Variants in UBA6 observed in about 807,000 individuals in gnomAD.
UBA6 encodes the protein ubiquitin-like modifier-activating enzyme 6.
A neutral mutation model predicts 148.3 loss-of-function variants in UBA6; 87 were observed. The ratio of observed to expected loss-of-function variants is 0.59; its 90% CI spans 0.49 to 0.70. The LOEUF is 0.70. Ranked by LOEUF, UBA6 falls within the 30% of genes least tolerant of loss-of-function variation. The pLI is 0.00. For missense variants in UBA6, 1,186 were observed against 1,241.2 expected, an observed-to-expected ratio of 0.96 and a Z score of 0.67; for synonymous variants, 376 against 401.0, an observed-to-expected ratio of 0.94 and a Z score of 0.75.
rs1355911506 is a variant in UBA6 at position 67,622,911 on chromosome 4, A to G, written c.2943T>C (p.Ile981=). 6.2e-7 allele frequency: 1 copy of G among 1,609,054 alleles called. No homozygotes were observed. Among genetic ancestry groups the G allele is most frequent in the African/African-American group, 1.3e-5 (1 of 74,694 alleles). ...CTCCCTGTACCACCATTGTTGGCTC[A>G]ATTCCATACTTCTCCTAAAAGTGAA... ...FINAVKEKYG[I]EPTMVVQGVK... Residue 981 remains isoleucine (I), a synonymous_variant, in exon 32 of 33, where the codon ATT becomes ATC. Transcript: ENST00000322244.
At chr4:67,667,198 TA>T (rs1242331151) in intron 9 of UBA6, among the ~76,000 whole-genome samples, 1 of 142,814 alleles carries the variant, frequency 7.0e-6, no homozygotes, top group Non-Finnish European at 1.6e-5. Flanking sequence ...TTAATTTTAA[TA>T]AAAAACAGAT....
At chr4:67,655,477 T>C (rs1729663800) in intron 13 of UBA6, among the ~76,000 whole-genome samples, 1 of 152,184 alleles carries the variant, frequency 6.6e-6, no homozygotes, top group Non-Finnish European at 1.5e-5. Flanking sequence ...AATAAAGATG[T>C]TCTTTGAAAC....
At position 67,622,842 on chromosome 4, in the gene UBA6, T is replaced by A; in HGVS notation, c.3012A>T (p.Arg1004Ser). The stretch of plus-strand genomic sequence containing the variant: ...TGTTGAATACTTACGTTAACTTCAA[T>A]CTTTTTGCATGACCAGGCATTACAG... ...YVPVMPGHAKRLKLTMHKLVK... is the reference protein window; with the variant it reads ...YVPVMPGHAKSLKLTMHKLVK... Residue 1004 changes from arginine (R) to serine (S), a missense_variant, in exon 32 of 33, where the codon AGA becomes AGT. Arg to Ser is a moderately radical substitution (Grantham distance 110). Transcript: ENST00000322244. The A allele has an allele frequency of 6.2e-7, 1 of 1,609,922 alleles. No homozygotes were observed.
chr4:67,654,905 A>G (rs1295021394), intron 13 of UBA6, among the ~76,000 whole-genome samples: 1 of 151,190 alleles, frequency 6.6e-6, no homozygotes, highest in Non-Finnish European at 1.5e-5. Context: ...AGTCTCTGAT[A>G]AAACAGACTT....
At chr4:67,628,822 TA>T (rs559144921) in intron 27 of UBA6, among the ~76,000 whole-genome samples, 60 of 152,048 alleles carry the variant, frequency 3.9e-4, no homozygotes, top group Middle Eastern at 3.4e-3. Context: ...ATAGTGGGCA[TA>T]AAAAAATATT....
chr4:67,625,831 G>C (rs1168473087), intron 28 of UBA6, among the ~76,000 whole-genome samples: 1 of 151,812 alleles, frequency 6.6e-6, no homozygotes, highest in African/African-American at 2.4e-5. Flanking sequence ...TAAAAATTCA[G>C]TTTTCCTGTA....
chr4:67,624,550 A>G (rs1022541156), intron 29 of UBA6, among the ~76,000 whole-genome samples: 10 of 152,126 alleles, frequency 6.6e-5, no homozygotes, highest in African/African-American at 2.2e-4. Flanking sequence ...ACAACAGTCT[A>G]AAATCACTTA....
intron 8 of UBA6, among the ~76,000 whole-genome samples, chr4:67,669,332 C>A (rs1305827143): frequency 6.6e-6 from 1 of 152,042 alleles, no homozygotes; most frequent in African/African-American, 2.4e-5. Context: ...ACTCTTTGAG[C>A]AGAAAGATAT....
At position 67,618,556 on chromosome 4, in the gene UBA6, G is replaced by A. The variant is rs1728679559; in HGVS notation, c.*441C>T. Reference sequence around the variant, plus strand: ...CTCAAAGCCAAATCATATCAGAGGTGCAGGATGCCAAACACTATTTGCATA... The same window carrying A: ...CTCAAAGCCAAATCATATCAGAGGTACAGGATGCCAAACACTATTTGCATA... On this transcript the variant is annotated 3_prime_UTR_variant, in exon 33 of 33. Transcript: ENST00000322244. 1 of 153,118 alleles carries A rather than the reference G, an allele frequency of 6.5e-6. No homozygotes were observed. Among genetic ancestry groups the A allele is most frequent in the African/African-American group, 2.4e-5 (1 of 41,458 alleles). 9.5% of individuals were successfully genotyped at this position (153,118 alleles called of 1,614,324 possible).
At chr4:67,665,379 C>A in intron 9 of UBA6, 87 bp from the exon 10 acceptor site, 1 of 782,174 alleles carries the variant, frequency 1.3e-6, no homozygotes, top group South Asian at 2.0e-5. Context: ...GTTAATTATC[C>A]CTAATTTACA....
intron 6 of UBA6, among the ~76,000 whole-genome samples, chr4:67,677,076 T>G (rs1730299100): frequency 1.3e-5 from 2 of 152,226 alleles, no homozygotes; most frequent in African/African-American, 4.8e-5. Flanking sequence ...AGTACTTTTC[T>G]GCTTCTTGAC....
At chr4:67,675,651 A>C (rs1286137400) in intron 6 of UBA6, among the ~76,000 whole-genome samples, 1 of 152,126 alleles carries the variant, frequency 6.6e-6, no homozygotes, top group Non-Finnish European at 1.5e-5. Context: ...GAATCACTTG[A>C]ACCCAGGAGG....
intron 13 of UBA6, chr4:67,661,535 T>A (rs1729857053): frequency 6.5e-6 from 1 of 153,046 alleles, no homozygotes; most frequent in Non-Finnish European, 1.5e-5. Flanking sequence ...GAACTGTGAG[T>A]CAATTAAACC....
chr4:67,700,968 C>A (rs1730967385), intron 1 of UBA6, 81 bp downstream of exon 1: 1 of 1,570,420 alleles, frequency 6.4e-7, no homozygotes, highest in African/African-American at 1.4e-5. Context: ...GCGCCCCCAG[C>A]CCGCCGGAAA....
At chr4:67,663,009 A>G (rs1729902022) in intron 12 of UBA6, 130 bp downstream of exon 12, 7 of 533,438 alleles carry the variant, frequency 1.3e-5, no homozygotes, top group Non-Finnish European at 2.2e-5. Context: ...AGTCATAATA[A>G]ATGTTTGCAC....
intron 13 of UBA6, among the ~76,000 whole-genome samples, chr4:67,661,329 C>T (rs1729850409): frequency 6.6e-6 from 1 of 152,172 alleles, no homozygotes; most frequent in Admixed American, 6.5e-5. Flanking sequence ...ATAATTGCCA[C>T]ATGTCAAGGG....
intron 13 of UBA6, among the ~76,000 whole-genome samples, chr4:67,654,615 G>A (rs1461888634): frequency 6.6e-6 from 1 of 152,108 alleles, no homozygotes; most frequent in Non-Finnish European, 1.5e-5. Context: ...ATGCTATGAA[G>A]AAATTGCATC....
intron 6 of UBA6, among the ~76,000 whole-genome samples, chr4:67,676,752 T>A (rs1483628658): frequency 1.3e-5 from 2 of 152,186 alleles, no homozygotes; most frequent in East Asian, 3.8e-4. Context: ...GCATTTTCCT[T>A]ACATTATTTT....
At chr4:67,680,959 G>A (rs2080349501) in intron 4 of UBA6, among the ~76,000 whole-genome samples, 1 of 152,120 alleles carries the variant, frequency 6.6e-6, no homozygotes, top group African/African-American at 2.4e-5. Flanking sequence ...GAGCCAGCTT[G>A]GGAAGCAGAT....
Sources: allele counts gnomAD v4.1 joint callset (sites outside exome capture counted in the v4.1 genomes callset), GRCh38; gene constraint gnomAD v4.1.1; transcripts MANE v1.5; gene names NCBI Gene and HGNC (gene_info 2026-07-23, HGNC 2026-07-21).